COL6A6: variants seen among roughly 807,000 people sequenced by gnomAD.
COL6A6 encodes the protein collagen alpha-6(VI) chain.
A neutral mutation model predicts 208.6 loss-of-function variants in COL6A6; 183 were observed. That is an observed-to-expected ratio of 0.88 (90% CI 0.78 to 0.99). The LOEUF is 0.99. Among genes scored for constraint, COL6A6 ranks in the 50% least tolerant of loss-of-function variants. COL6A6 has a pLI of 0.00. For synonymous variants in COL6A6, 973 were observed against 1,011.8 expected, an observed-to-expected ratio of 0.96 and a Z score of 0.73; for missense variants, 2,816 against 2,815.2, an observed-to-expected ratio of 1.00 and a Z score of -0.01.
chr3:130,578,391 C>T (rs529687888), intron 8 of COL6A6, among the ~76,000 whole-genome samples: 1 of 152,228 alleles, frequency 6.6e-6, no homozygotes, highest in South Asian at 2.1e-4. Context: ...GAGCCTGAAG[C>T]AGAGTTTACA....
intron 34 of COL6A6, among the ~76,000 whole-genome samples, chr3:130,661,252 G>A (rs961770432): frequency 3.9e-5 from 6 of 152,152 alleles, no homozygotes; most frequent in East Asian, 1.9e-4. Flanking sequence ...GAATATAAGC[G>A]TAGTGATAAT....
intron 23 of COL6A6, among the ~76,000 whole-genome samples, chr3:130,616,051 A>G (rs2064510415): frequency 6.6e-6 from 1 of 152,186 alleles, no homozygotes; most frequent in Non-Finnish European, 1.5e-5. Flanking sequence ...CTTTGTCAGT[A>G]CAGTGAAAAT....
chr3:130,551,109 T>A (rs2062631473), intron 1 of COL6A6, among the ~76,000 whole-genome samples: 1 of 112,378 alleles, frequency 8.9e-6, no homozygotes, highest in Non-Finnish European at 2.1e-5. Context: ...TCAAGGATCT[T>A]GGCCTGAAGC....
intron 8 of COL6A6, 123 bp downstream of exon 8, chr3:130,574,648 A>G: frequency 1.3e-6 from 1 of 764,158 alleles, no homozygotes; most frequent in Non-Finnish European, 2.1e-6. Flanking sequence ...TGGATTTCAA[A>G]TTGAGCTTTT....
intron 28 of COL6A6, among the ~76,000 whole-genome samples, chr3:130,641,163 T>C (rs6795030): frequency 0.12 from 17,649 of 152,094 alleles, 1,186 homozygotes; most frequent in African/African-American, 0.14. Flanking sequence ...GGGGGTCCTA[T>C]TACCTGTTGC....
At chr3:130,519,102 T>C (rs774225306) in intron 1 of COL6A6, among the ~76,000 whole-genome samples, 110 of 152,340 alleles carry the variant, frequency 7.2e-4, no homozygotes, top group Admixed American at 1.7e-3. Flanking sequence ...TTTCAGAAAG[T>C]TTCAGTATTT....
At chr3:130,612,764 G>A (rs974901197) in intron 23 of COL6A6, among the ~76,000 whole-genome samples, 2 of 152,108 alleles carry the variant, frequency 1.3e-5, no homozygotes, top group African/African-American at 4.8e-5. Flanking sequence ...GCATCAGAAA[G>A]GGGAGGGTTG....
chr3:130,541,185 A>G (rs991368720), intron 1 of COL6A6, among the ~76,000 whole-genome samples: 2 of 152,250 alleles, frequency 1.3e-5, no homozygotes, highest in Non-Finnish European at 2.9e-5. Flanking sequence ...GAGGACTTTT[A>G]TGCAGCCAAC....
At chr3:130,554,587 G>A (rs1177861869) in intron 1 of COL6A6, among the ~76,000 whole-genome samples, 1 of 152,168 alleles carries the variant, frequency 6.6e-6, no homozygotes, top group Admixed American at 6.5e-5. Context: ...TGGGGCAGGG[G>A]AGCCACTGGT....
Position 130,560,444 on chromosome 3 carries a change from A to G in COL6A6, c.64+16A>G, listed in dbSNP as rs1356818388. ...CAAGATTCCGGTAAGGAAAAACTGG[A>G]AAGAATTCTTAATTTTGATTATAGA... On this transcript the variant is annotated intron_variant, in intron 2 of 36. Coordinates refer to ENST00000358511, the MANE Select transcript of COL6A6 (RefSeq NM_001102608.3). The G allele has an allele frequency of 3.8e-6, 6 of 1,596,800 alleles. No individual in the cohort carries two copies. In the South Asian group the frequency reaches 4.5e-5, roughly 12 times the overall value.
chr3:130,563,204 C>T lies in COL6A6; in HGVS notation c.201C>T (p.Ala67=), dbSNP rs1559992277. ...LPIEADKYRV[A]LAQYSDKLHS... ...TAGAGGCCGACAAATACCGTGTGGC[C>T]CTGGCCCAGTACAGTGATAAACTTC... Residue 67 remains alanine, a synonymous_variant, in exon 3 of 37, where the codon GCC becomes GCT. Transcript: ENST00000358511. 1.2e-6 allele frequency: 2 copies of T among 1,613,930 alleles called. No homozygotes were observed. Among genetic ancestry groups the T allele is most frequent in the Non-Finnish European group, 1.7e-6 (2 of 1,179,892 alleles).
rs761505499 is a variant in COL6A6 at position 130,570,956 on chromosome 3, G to A, written c.2540G>A (p.Arg847Gln). 8.8e-5 allele frequency: 142 copies of A among 1,613,880 alleles called. No homozygotes were observed. The highest frequency in any genetic ancestry group is 1.1e-4 in the Non-Finnish European group (132 of 1,179,894). Residue 847 changes from arginine (R) to glutamine (Q), a missense_variant, in exon 7 of 37, where the codon CGG becomes CAG. Coordinates refer to ENST00000358511, the MANE Select transcript of COL6A6 (RefSeq NM_001102608.3). ...KKADVGKNQV[R>Q]FGALKYADDP... Reference sequence around the variant, plus strand: ...GCTGATGTGGGCAAGAATCAGGTCCGGTTTGGGGCTCTGAAGTATGCTGAT... The same window carrying A: ...GCTGATGTGGGCAAGAATCAGGTCCAGTTTGGGGCTCTGAAGTATGCTGAT...
In COL6A6 at chr3:130,574,159, A is replaced by AT. The variant is rs2063237139; in HGVS notation, c.3181_3182insT (p.Lys1061IlefsTer8). 2.5e-6 allele frequency: 4 copies of AT among 1,614,032 alleles called. No homozygotes were observed. Among genetic ancestry groups the AT allele is most frequent in the Non-Finnish European group, 3.4e-6 (4 of 1,179,888 alleles). ...TCCACTGGGAACTTTCATAGGTGAA[A>AT]AAGAGATATCATTTCAGATTGAAAA... On this transcript the variant is annotated frameshift_variant, in exon 8 of 37. Transcript: ENST00000358511. LOFTEE classifies it high-confidence loss of function.
At position 130,570,815 on chromosome 3, in the gene COL6A6, C is replaced by G; in HGVS notation, c.2402-3C>G. The G allele has an allele frequency of 6.2e-7, 1 of 1,604,466 alleles. No individual in the cohort carries two copies. Among genetic ancestry groups the G allele is most frequent in the South Asian group, 1.1e-5 (1 of 89,244 alleles). On this transcript the variant is annotated splice_region_variant and splice_polypyrimidine_tract_variant and intron_variant, in intron 6 of 36. Coordinates refer to ENST00000358511, the MANE Select transcript of COL6A6 (RefSeq NM_001102608.3). ...ATGGTTTACCTCTCTCTTCCTCTTT[C>G]AGAATGCAAGCGGATTGAAGTTTTA...
intron 17 of COL6A6, 44 bp downstream of exon 17, chr3:130,593,296 T>C: frequency 6.8e-7 from 1 of 1,478,846 alleles, no homozygotes; most frequent in Non-Finnish European, 9.4e-7. Context: ...TACTGGGGAT[T>C]AAGGGTGTGA....
At chr3:130,634,450 A>G (rs2065049503) in intron 26 of COL6A6, 140 bp from the exon 27 acceptor site, 1 of 712,436 alleles carries the variant, frequency 1.4e-6, no homozygotes, top group Non-Finnish European at 2.4e-6. Context: ...CTGCTATTTC[A>G]CTTCCAGATT....
intron 35 of COL6A6, among the ~76,000 whole-genome samples, chr3:130,663,902 A>T (rs1366565125): frequency 6.6e-6 from 1 of 152,234 alleles, no homozygotes; most frequent in African/African-American, 2.4e-5. Context: ...GTACAAGTCA[A>T]GAAAGACTTT....
chr3:130,584,651 G>A (rs2063496196), intron 10 of COL6A6, among the ~76,000 whole-genome samples: 1 of 151,732 alleles, frequency 6.6e-6, no homozygotes, highest in African/African-American at 2.4e-5. Flanking sequence ...GTCTTGCCCT[G>A]TTGCCCAGGT....
rs764562041 is a variant in COL6A6, at chr3:130,642,986, G to A, written c.5191-1G>A. The stretch of plus-strand genomic sequence containing the variant: ...GTTTCTGTTTTATTTTCGAACTGCA[G>A]ACATGTGAGCTCATTCAGTATGTGC... On this transcript the variant is annotated splice_acceptor_variant, in intron 30 of 36. Transcript: ENST00000358511. LOFTEE classifies it high-confidence loss of function. 6.2e-7 allele frequency: 1 copy of A among 1,613,878 alleles called. No homozygotes were observed. The highest frequency in any genetic ancestry group is 1.1e-5 in the South Asian group (1 of 91,070).
Sources: allele counts gnomAD v4.1 joint callset (sites outside exome capture counted in the v4.1 genomes callset), GRCh38; gene constraint gnomAD v4.1.1; transcripts MANE v1.5; gene names NCBI Gene and HGNC (gene_info 2026-07-23, HGNC 2026-07-21).